TMEM131L: variants seen among roughly 807,000 people sequenced by gnomAD.
TMEM131L encodes the protein transmembrane 131 like, also known as transmembrane protein 131-like.
A neutral mutation model predicts 192.2 loss-of-function variants in TMEM131L; 54 were observed. The ratio of observed to expected loss-of-function variants is 0.28; its 90% CI spans 0.23 to 0.35. The LOEUF (loss-of-function observed/expected upper bound fraction) is 0.35, where lower values mean the gene tolerates loss of function less well. Among genes scored for constraint, TMEM131L ranks in the 10% least tolerant of loss-of-function variants. TMEM131L has a pLI of 1.00. For synonymous variants in TMEM131L, 701 were observed against 704.9 expected (o/e 0.99, Z 0.09); for missense variants, 1,888 against 1,972.9 (o/e 0.96, Z 0.82).
At chr4:153,489,540 C>T (rs752957661) in intron 3 of TMEM131L, among the ~76,000 whole-genome samples, 5 of 152,072 alleles carry the variant, frequency 3.3e-5, no homozygotes, top group African/African-American at 4.8e-5. Flanking sequence ...TGCGGTGGTA[C>T]GATCTCAGTT....
chr4:153,573,602 A>G (rs950607859), intron 7 of TMEM131L, among the ~76,000 whole-genome samples: 7 of 152,218 alleles, frequency 4.6e-5, no homozygotes, highest in African/African-American at 1.7e-4. Context: ...GATGACTTCC[A>G]CTTGGCCAAA....
chr4:153,466,973 CAGCACGAGCACCCCG>C (rs1459539961), intron 1 of TMEM131L, among the ~76,000 whole-genome samples: 1 of 152,182 alleles, frequency 6.6e-6, no homozygotes, highest in Non-Finnish European at 1.5e-5. Flanking sequence ...CCCCCACCCC[CAGCACGAGCACCCCG>C]AGCCTGCCTG....
chr4:153,549,619 C>G (rs1233269644), intron 3 of TMEM131L, among the ~76,000 whole-genome samples: 2 of 152,128 alleles, frequency 1.3e-5, no homozygotes, highest in Non-Finnish European at 2.9e-5. Flanking sequence ...GATTGTTATT[C>G]TTATGCAGGC....
At chr4:153,554,254 C>G (rs188776461) in intron 4 of TMEM131L, 59 of 152,166 alleles carry the variant, frequency 3.9e-4, no homozygotes, top group Admixed American at 3.7e-3. Context: ...TGAAGTGACC[C>G]TTTATGTGTA....
chr4:153,536,631 G>T (rs1736349381), intron 3 of TMEM131L, among the ~76,000 whole-genome samples: 1 of 152,170 alleles, frequency 6.6e-6, no homozygotes, highest in South Asian at 2.1e-4. Context: ...TAGGGGGTCT[G>T]TGTCAGTCAG....
intron 3 of TMEM131L, among the ~76,000 whole-genome samples, chr4:153,481,112 T>A (rs888437770): frequency 1.3e-5 from 2 of 152,202 alleles, no homozygotes; most frequent in Non-Finnish European, 2.9e-5. Flanking sequence ...AACCTCTTCC[T>A]CCAGTCTCAC....
At chr4:153,473,778 C>CGA in intron 2 of TMEM131L, 67 bp from the exon 3 acceptor site, 1 of 1,302,756 alleles carries the variant, frequency 7.7e-7, no homozygotes, top group African/African-American at 1.5e-5. Flanking sequence ...GGTGACAGAG[C>CGA]GAGACTCTGT....
At chr4:153,509,330 A>C (rs1170981445) in intron 3 of TMEM131L, among the ~76,000 whole-genome samples, 1 of 151,564 alleles carries the variant, frequency 6.6e-6, no homozygotes, top group Non-Finnish European at 1.5e-5. Flanking sequence ...CTGCCACCGC[A>C]CTCTAACCTG....
At chr4:153,600,436 T>G (rs1731757557) in intron 21 of TMEM131L, among the ~76,000 whole-genome samples, 1 of 151,996 alleles carries the variant, frequency 6.6e-6, no homozygotes, top group Non-Finnish European at 1.5e-5. Context: ...TGAAATTTAG[T>G]TTAAATAGCT....
At chr4:153,552,434 G>A (rs763707589) in intron 4 of TMEM131L, among the ~76,000 whole-genome samples, 15 of 151,998 alleles carry the variant, frequency 9.9e-5, no homozygotes, top group African/African-American at 2.2e-4. Context: ...GTTGTCCCTC[G>A]TTATCCACAT....
intron 7 of TMEM131L, among the ~76,000 whole-genome samples, chr4:153,565,276 A>G (rs17370112): frequency 0.035 from 5,399 of 152,336 alleles, 135 homozygotes; most frequent in Middle Eastern, 0.058. Context: ...TAATAGATAA[A>G]TGAGTCAATG....
At chr4:153,518,341 G>A (rs898173977) in intron 3 of TMEM131L, among the ~76,000 whole-genome samples, 1 of 152,218 alleles carries the variant, frequency 6.6e-6, no homozygotes, top group African/African-American at 2.4e-5. Context: ...ATAATAGAAA[G>A]CTGTGTCCAC....
chr4:153,624,741 C>T (rs1733709385), intron 29 of TMEM131L, among the ~76,000 whole-genome samples: 1 of 152,214 alleles, frequency 6.6e-6, no homozygotes, highest in Admixed American at 6.5e-5. Flanking sequence ...GATCCCAGTG[C>T]ACTTCCCACC....
chr4:153,628,619 A>C (rs933934730), intron 31 of TMEM131L, among the ~76,000 whole-genome samples: 1 of 151,736 alleles, frequency 6.6e-6, no homozygotes, highest in East Asian at 1.9e-4. Flanking sequence ...GAACCTAGTG[A>C]CTAGTCCAGT....
rs1283775459 is a variant in TMEM131L, at chr4:153,580,756, A to T, written c.661-70A>T. On this transcript the variant is annotated intron_variant, in intron 7 of 34. Coordinates refer to ENST00000409959, the MANE Select transcript of TMEM131L (RefSeq NM_001131007.2). ...AAGTGTAGTTTCTGAATACTTGATA[A>T]ATTGTTTATTATTAGTGTGAGATTG... is the stretch of plus-strand genomic sequence containing the variant. The T allele has an allele frequency of 1.5e-5, 13 of 841,620 alleles. No homozygotes were observed. The South Asian group carries it at 1.8e-4, about 11-fold the overall frequency. The allele number at this position is 841,620 out of a possible 1,614,324, so 52.1% of individuals were successfully genotyped here. A position where few individuals can be genotyped will look rare whatever the true frequency, so the allele number is the denominator to read the frequency against.
intron 5 of TMEM131L, 52 bp from the exon 6 acceptor site, chr4:153,556,914 A>G (rs1728502895): frequency 1.2e-6 from 1 of 814,564 alleles, no homozygotes; most frequent in Non-Finnish European, 2.1e-6. Context: ...TGTGAAAGAC[A>G]GTTTATCAAA....
chr4:153,627,427 C>T (rs887496282), intron 30 of TMEM131L, among the ~76,000 whole-genome samples, 178 bp from the exon 31 acceptor site: 1 of 152,132 alleles, frequency 6.6e-6, no homozygotes, highest in Non-Finnish European at 1.5e-5. Flanking sequence ...ATTTAATATT[C>T]CTCAATTCTT....
chr4:153,620,533 G>C (rs180846886), intron 26 of TMEM131L, among the ~76,000 whole-genome samples: 254 of 152,292 alleles, frequency 1.7e-3, no homozygotes, highest in African/African-American at 5.7e-3. Flanking sequence ...AGCCTCTTAG[G>C]AATTTTATAG....
At chr4:153,617,699 TG>T (rs369106109) in intron 26 of TMEM131L, among the ~76,000 whole-genome samples, 354 of 152,288 alleles carry the variant, frequency 2.3e-3, no homozygotes, top group African/African-American at 8.0e-3. Context: ...GCAGACACAG[TG>T]AACAGGATCC....
Sources: gnomAD v4.1 joint callset for allele counts (sites outside exome capture counted in the v4.1 genomes callset) on GRCh38, gnomAD v4.1.1 for gene constraint, MANE v1.5 for transcripts, NCBI Gene and HGNC (gene_info 2026-07-23, HGNC 2026-07-21) for gene names.